The following CD9 variants were observed in gnomAD, a reference collection of about 807,000 sequenced individuals.
CD9 encodes the protein CD9 antigen.
CD9 carries 10 observed loss-of-function variants against 31.4 expected under a neutral mutation model. The observed-to-expected ratio is 0.32, with a 90% CI of 0.20 to 0.54. CD9 has a LOEUF of 0.54. Among genes scored for constraint, CD9 ranks in the 20% least tolerant of loss-of-function variants. The probability of loss-of-function intolerance (pLI) is 0.94; values close to 1 mark genes in which losing one functional copy is unlikely to be tolerated. For missense variants in CD9, 259 were observed against 300.1 expected (o/e 0.86, Z 1.01); for synonymous variants, 113 against 114.1 (o/e 0.99, Z 0.06).
At position 6,233,577 on chromosome 12, in the gene CD9, C is replaced by A. The variant is rs543450322; in HGVS notation, c.348+91C>A. The A allele has an allele frequency of 4.1e-6, 4 of 974,222 alleles. No individual in the cohort carries two copies. In the Admixed American group the frequency reaches 5.4e-5, roughly 13 times the overall value. 60.3% of individuals were successfully genotyped at this position (974,222 alleles called of 1,614,324 possible). ...GCAAGTCCTGGCTGGGCACTTTGTTCAGCTTTCAGCTGTTGACCAGGCCTC... is the reference window on the plus strand; with the variant it reads ...GCAAGTCCTGGCTGGGCACTTTGTTAAGCTTTCAGCTGTTGACCAGGCCTC... On this transcript the variant is annotated intron_variant, in intron 4 of 7. Coordinates refer to ENST00000009180, the MANE Select transcript of CD9 (RefSeq NM_001769.4).
intron 1 of CD9, among the ~76,000 whole-genome samples, chr12:6,219,433 C>G (rs1391974641): frequency 6.6e-6 from 1 of 152,146 alleles, no homozygotes; most frequent in Admixed American, 6.5e-5. Flanking sequence ...CCCAACCAAC[C>G]TTAATGGGGC....
intron 1 of CD9, among the ~76,000 whole-genome samples, chr12:6,217,997 G>A (rs996048158): frequency 5.3e-5 from 8 of 152,124 alleles, no homozygotes; most frequent in African/African-American, 1.9e-4. Context: ...GGCCAAGCTG[G>A]GTGGATCTCC....
intron 2 of CD9, among the ~76,000 whole-genome samples, chr12:6,229,588 T>G (rs969689297): frequency 1.3e-5 from 2 of 152,062 alleles, no homozygotes; most frequent in South Asian, 4.1e-4. Context: ...GTGGAGTTAT[T>G]TGGATATAAT....
At chr12:6,224,458 T>TGCCATA (rs1463378869) in intron 1 of CD9, among the ~76,000 whole-genome samples, 2 of 151,896 alleles carry the variant, frequency 1.3e-5, no homozygotes, top group East Asian at 3.9e-4. Flanking sequence ...CCACACTCAC[T>TGCCATA]GCCATATCGT....
intron 1 of CD9, among the ~76,000 whole-genome samples, chr12:6,221,811 T>TAA (rs1342854588): frequency 1.2e-4 from 6 of 48,286 alleles, no homozygotes; most frequent in Non-Finnish European, 1.2e-4. Flanking sequence ...CCCCTGGCTC[T>TAA]ACAAAAAAAA....
chr12:6,200,593 C>G (rs776196354), intron 1 of CD9, 28 bp downstream of exon 1: 1 of 1,518,602 alleles, frequency 6.6e-7, no homozygotes. Context: ...CCGCGCGCTC[C>G]TCTCAGGGCC....
intron 1 of CD9, among the ~76,000 whole-genome samples, chr12:6,212,734 G>C (rs1166933655): frequency 6.6e-6 from 1 of 152,170 alleles, no homozygotes; most frequent in Non-Finnish European, 1.5e-5. Context: ...TATGGGTTGT[G>C]GGGTAGGTAC....
intron 1 of CD9, 84 bp downstream of exon 1, chr12:6,200,649 G>C (rs1946064656): frequency 1.1e-6 from 1 of 928,720 alleles, no homozygotes; most frequent in Non-Finnish European, 1.7e-6. Flanking sequence ...GCGAGTGCCG[G>C]CAGCTGGCAC....
At chr12:6,212,838 A>G (rs564214760) in intron 1 of CD9, among the ~76,000 whole-genome samples, 1 of 152,266 alleles carries the variant, frequency 6.6e-6, no homozygotes, top group East Asian at 1.9e-4. Flanking sequence ...GTTGGGTTTA[A>G]GTGTATGTGT....
rs1006500763 is a variant in CD9, at chr12:6,200,438, T to C, written c.-62T>C. ...TGTATCCAGCGCCAGGTCCCGCCAGTCCCAGCTGCGCGCGCCCCCCAGTCC... is the reference window on the plus strand; with the variant it reads ...TGTATCCAGCGCCAGGTCCCGCCAGCCCCAGCTGCGCGCGCCCCCCAGTCC... On this transcript the variant is annotated 5_prime_UTR_variant, in exon 1 of 8. Coordinates refer to ENST00000009180, the MANE Select transcript of CD9 (RefSeq NM_001769.4). 1 of 1,101,084 alleles carries C rather than the reference T, an allele frequency of 9.1e-7. No homozygotes were observed. Among genetic ancestry groups the C allele is most frequent in the Non-Finnish European group, 1.4e-6 (1 of 716,918 alleles). The allele number at this position is 1,101,084 out of a possible 1,614,324, so 68.2% of individuals were successfully genotyped here. A position where few individuals can be genotyped will look rare whatever the true frequency, so the allele number is the denominator to read the frequency against.
At chr12:6,228,580 A>C (rs1014851873) in intron 2 of CD9, among the ~76,000 whole-genome samples, 11 of 148,210 alleles carry the variant, frequency 7.4e-5, no homozygotes, top group African/African-American at 2.8e-4. Flanking sequence ...AAAAAAAAAA[A>C]ACAGCAGCAC....
chr12:6,209,312 C>T (rs1946167520), intron 1 of CD9, among the ~76,000 whole-genome samples: 1 of 152,212 alleles, frequency 6.6e-6, no homozygotes, highest in African/African-American at 2.4e-5. Context: ...CACATCATGT[C>T]TTCCCTTGTA....
intron 1 of CD9, among the ~76,000 whole-genome samples, chr12:6,224,027 C>T (rs1250784288): frequency 3.3e-5 from 5 of 152,122 alleles, no homozygotes; most frequent in African/African-American, 1.2e-4. Context: ...CAGTCCTTAC[C>T]AATGTTTGGA....
At chr12:6,211,487 C>T (rs1033056376) in intron 1 of CD9, among the ~76,000 whole-genome samples, 11 of 152,306 alleles carry the variant, frequency 7.2e-5, no homozygotes, top group Non-Finnish European at 1.5e-4. Flanking sequence ...CTCCAGGCAC[C>T]ACCTGGCATT....
intron 1 of CD9, among the ~76,000 whole-genome samples, chr12:6,208,579 T>C (rs565550418): frequency 5.4e-5 from 8 of 149,356 alleles, no homozygotes; most frequent in African/African-American, 2.0e-4. Context: ...GTTTTTGTTC[T>C]TTTTTTTTTG....
At chr12:6,203,165 A>G (rs931496225) in intron 1 of CD9, among the ~76,000 whole-genome samples, 16 of 152,232 alleles carry the variant, frequency 1.1e-4, no homozygotes, top group Non-Finnish European at 2.1e-4. Context: ...TCAGGAAACC[A>G]TTTCCCAGAG....
At chr12:6,200,736 A>G in intron 1 of CD9, 171 bp downstream of exon 1, 1 of 488,848 alleles carries the variant, frequency 2.0e-6, no homozygotes, top group Non-Finnish European at 3.6e-6. Context: ...CCGGGTCCAG[A>G]GCCGGGCGGG....
intron 1 of CD9, among the ~76,000 whole-genome samples, chr12:6,202,031 G>C (rs1355293183): frequency 6.6e-6 from 1 of 152,142 alleles, no homozygotes; most frequent in African/African-American, 2.4e-5. Context: ...AGTGAGCCCT[G>C]TCTCAAAAAA....
At chr12:6,204,248 A>G (rs146688141) in intron 1 of CD9, among the ~76,000 whole-genome samples, 2 of 152,310 alleles carry the variant, frequency 1.3e-5, no homozygotes, top group African/African-American at 4.8e-5. Flanking sequence ...ACATACAACA[A>G]TAGAACTCTC....
Sources: allele counts gnomAD v4.1 joint callset (sites outside exome capture counted in the v4.1 genomes callset), GRCh38; gene constraint gnomAD v4.1.1; transcripts MANE v1.5; gene names NCBI Gene and HGNC (gene_info 2026-07-23, HGNC 2026-07-21).